The following KMT2B variants were observed in gnomAD, a reference collection of about 807,000 sequenced individuals.
The protein encoded by KMT2B is lysine methyltransferase 2B, also known as histone-lysine N-methyltransferase 2B.
KMT2B carries 22 observed loss-of-function variants against 255.3 expected under a neutral mutation model. The observed-to-expected ratio is 0.09, with a 90% confidence interval of 0.06 to 0.12. The LOEUF (loss-of-function observed/expected upper bound fraction) is 0.12, where lower values mean the gene tolerates loss of function less well. Among genes scored for constraint, KMT2B ranks in the 10% least tolerant of loss-of-function variants. The pLI is 1.00. For missense variants in KMT2B, 3,149 were observed against 3,737.0 expected, an observed-to-expected ratio of 0.84 and a Z score of 4.10; for synonymous variants, 1,730 against 1,498.1, an observed-to-expected ratio of 1.15 and a Z score of -3.57.
chr19:35,736,383 G>A (rs1450464672), intron 30 of KMT2B: 1 of 339,888 alleles, frequency 2.9e-6, no homozygotes, highest in Non-Finnish European at 5.4e-6. Context: ...TAGATGGGAT[G>A]TATGGTACAC....
In KMT2B at chr19:35,728,164, C is replaced by A; in HGVS notation, c.4564C>A (p.Leu1522Met). Residue 1522 changes from leucine (L) to methionine (M), a missense_variant, in exon 19 of 37, where the codon CTG becomes ATG. Leu to Met is a conservative substitution (Grantham distance 15). Coordinates refer to ENST00000420124, the MANE Select transcript of KMT2B (RefSeq NM_014727.3). ...CAAGTACTGGCGACGGAGTACCCGGCTGCCAAAGTGAGCAAGGCTGGGTAG... is the reference window on the plus strand; with the variant it reads ...CAAGTACTGGCGACGGAGTACCCGGATGCCAAAGTGAGCAAGGCTGGGTAG... ...DPKYWRRSTR[L>M]PNGVLPNAVL... The A allele has an allele frequency of 6.3e-7, 1 of 1,591,228 alleles. No homozygotes were observed. The highest frequency in any genetic ancestry group is 8.6e-7 in the Non-Finnish European group (1 of 1,169,530).
rs1969765941 is a variant in KMT2B at position 35,732,874 on chromosome 19, C to G, written c.6325C>G (p.Leu2109Val). Residue 2109 changes from leucine to valine, a missense_variant, in exon 28 of 37, where the codon CTG (leucine) becomes GTG (valine). Leu to Val is a conservative substitution (Grantham distance 32). Around this residue, in one of 18 missense-constraint regions of KMT2B, gnomAD observed 897 missense variants for 825.3 expected, o/e 1.09. Transcript: ENST00000420124. Reference protein sequence around the residue: ...AGDRARPPEDLPSEIVDFVLK... With the variant: ...AGDRARPPEDVPSEIVDFVLK... ...GGACAGGGCCCGGCCTCCTGAGGACCTGCCATCGGAAATTGTGGATTTTGT... is the reference window on the plus strand; with the variant it reads ...GGACAGGGCCCGGCCTCCTGAGGACGTGCCATCGGAAATTGTGGATTTTGT... 1.9e-6 allele frequency: 3 copies of G among 1,610,084 alleles called. No individual in the cohort carries two copies. The highest frequency in any genetic ancestry group is 4.5e-5 in the East Asian group (2 of 44,790).
chr19:35,732,849 G>A lies in KMT2B; in HGVS notation c.6300G>A (p.Gly2100=), dbSNP rs1969764742. 6.2e-7 allele frequency: 1 copy of A among 1,609,248 alleles called. No individual in the cohort carries two copies. Among genetic ancestry groups the A allele is most frequent in the East Asian group, 2.2e-5 (1 of 44,708 alleles). ...VVRAGVLGAA[G]DRARPPEDLP... ...GGGCAGGGGTCCTTGGGGCTGCAGG[G>A]GACAGGGCCCGGCCTCCTGAGGACC... Residue 2100 remains glycine, a synonymous_variant, in exon 28 of 37, where the codon GGG becomes GGA. Transcript: ENST00000420124.
chr19:35,730,383 C>T lies in KMT2B; in HGVS notation c.5118C>T (p.Val1706=). ...NPDGFDVLRR[V]YVDFEGINFK... Reference sequence around the variant, plus strand: ...ATGGTTTTGATGTTCTCCGCCGAGTCTATGTGGACTTCGAGGGCATCAACT... The same window carrying T: ...ATGGTTTTGATGTTCTCCGCCGAGTTTATGTGGACTTCGAGGGCATCAACT... Residue 1706 remains valine, a synonymous_variant, in exon 24 of 37, where the codon GTC becomes GTT. Coordinates refer to ENST00000420124, the MANE Select transcript of KMT2B (RefSeq NM_014727.3). 2 of 1,613,734 alleles carry T rather than the reference C, an allele frequency of 1.2e-6. No homozygotes were observed. The highest frequency in any genetic ancestry group is 1.7e-6 in the Non-Finnish European group (2 of 1,179,650).
rs754150697 is a variant in KMT2B, at chr19:35,733,666, C to T, written c.7029C>T (p.Pro2343=). 1.6e-5 allele frequency: 25 copies of T among 1,600,832 alleles called. No homozygotes were observed. Among genetic ancestry groups the T allele is most frequent in the East Asian group, 6.8e-5 (3 of 44,268 alleles). Residue 2343 remains proline, a synonymous_variant, in exon 29 of 37, where the codon CCC becomes CCT. Coordinates refer to ENST00000420124, the MANE Select transcript of KMT2B (RefSeq NM_014727.3). The surrounding 1 kb of genome is among the most constrained non-coding windows in gnomAD (Gnocchi z 4.3). ...GVLDLDRPGE[P]AGEESPGPLQ... ...TTGACCTGGATCGGCCTGGGGAGCC[C>T]GCTGGGGAAGAAAGTCCTGGGTGAG...
Position 35,727,798 on chromosome 19 carries a change from C to T in KMT2B, c.4392+11C>T, listed in dbSNP as rs767155220. 3.1e-6 allele frequency: 5 copies of T among 1,613,648 alleles called. No homozygotes were observed. The Admixed American group carries it at 5.0e-5, about 16-fold the overall frequency. ...CACTACAAGTCTGTGGTGAGTGGTA[C>T]ACCAGGAGGAGCAGGTGGGTGGCAG... On this transcript the variant is annotated intron_variant, in intron 17 of 36. Transcript: ENST00000420124. This position sits in a 1 kb window ranked among gnomAD's most constrained non-coding sequence, Gnocchi z 4.2.
At position 35,732,660 on chromosome 19, in the gene KMT2B, C is replaced by T. The variant is rs751449665; in HGVS notation, c.6111C>T (p.Phe2037=). The change falls in exon 28 of 37, where the codon TTC becomes TTT. Residue 2037 remains phenylalanine, a synonymous_variant. Transcript: ENST00000420124. ...GCCCCACCTCCCGCTACATCCACTT[C>T]CCTGTGACTGTGGTGTCCGCCCCTG... is the stretch of plus-strand genomic sequence containing the variant. The part of the protein sequence containing the change: ...ESSPTSRYIH[F]PVTVVSAPGL... 44 of 1,610,418 alleles carry T rather than the reference C, an allele frequency of 2.7e-5. No individual in the cohort carries two copies. The highest frequency in any genetic ancestry group is 3.7e-5 in the Non-Finnish European group (44 of 1,178,552).
Position 35,720,757 on chromosome 19 carries a change from C to T in KMT2B, c.1410C>T (p.Gly470=), listed in dbSNP as rs1486067884. Reference sequence around the variant, plus strand: ...CAGCTACGTGCTCCAGGAAGAGGGGCCGGCCTCCCCTGACTCCCAGCCAGC... The same window carrying T: ...CAGCTACGTGCTCCAGGAAGAGGGGTCGGCCTCCCCTGACTCCCAGCCAGC... ...VVPATCSRKR[G]RPPLTPSQRA... The change falls in exon 3 of 37, where the codon GGC becomes GGT. Residue 470 remains glycine (G), a synonymous_variant. Transcript: ENST00000420124. 20 of 1,473,992 alleles carry T rather than the reference C, an allele frequency of 1.4e-5. No homozygotes were observed. Among genetic ancestry groups the T allele is most frequent in the Non-Finnish European group, 1.6e-5 (18 of 1,111,040 alleles). 91.3% of individuals were successfully genotyped at this position (1,473,992 alleles called of 1,614,324 possible).
At chr19:35,726,636 C>T (rs985985282) in intron 14 of KMT2B, among the ~76,000 whole-genome samples, 3 of 152,106 alleles carry the variant, frequency 2.0e-5, no homozygotes, top group Non-Finnish European at 4.4e-5. Flanking sequence ...GTTTGGAAGC[C>T]TTATTCAGGC....
rs567944243 is a variant in KMT2B at position 35,719,517 on chromosome 19, C to T, written c.412C>T (p.Arg138Cys). 30 of 1,591,746 alleles carry T rather than the reference C, an allele frequency of 1.9e-5. No homozygotes were observed. The highest frequency in any genetic ancestry group is 4.6e-5 in the East Asian group (2 of 43,594). The change falls in exon 2 of 37, where the codon CGC (arginine) becomes TGC (cysteine). Residue 138 changes from arginine (R) to cysteine (C), a missense_variant. Physicochemically the swap from Arg to Cys is radical, Grantham distance 180 (BLOSUM62 -3). Transcript: ENST00000420124. Reference protein sequence around the residue: ...SDEDVAPSSLRSALRSQRGRA... With the variant: ...SDEDVAPSSLCSALRSQRGRA... ...TGAAGATGTGGCCCCCAGTTCCCTG[C>T]GCTCTGCGCTCCGATCCCAGCGAGG...
chr19:35,719,253 C>T (rs1260696324), intron 1 of KMT2B, among the ~76,000 whole-genome samples: 1 of 152,106 alleles, frequency 6.6e-6, no homozygotes, highest in African/African-American at 2.4e-5. Flanking sequence ...TGGTGTGGTC[C>T]GGCACTGGGG....
chr19:35,731,518 T>G (rs759711227), intron 26 of KMT2B, among the ~76,000 whole-genome samples: 48 of 152,060 alleles, frequency 3.2e-4, no homozygotes, highest in African/African-American at 1.2e-3. Flanking sequence ...TTTGCAGAGG[T>G]TGGGTGGAGC....
In KMT2B at chr19:35,732,753, T is replaced by C; in HGVS notation, c.6204T>C (p.Thr2068=). 7 of 1,610,422 alleles carry C rather than the reference T, an allele frequency of 4.3e-6. No homozygotes were observed. Among genetic ancestry groups the C allele is most frequent in the East Asian group, 4.5e-5 (2 of 44,754 alleles). The change falls in exon 28 of 37, where the codon ACT becomes ACC. Residue 2068 remains threonine (T), a synonymous_variant. Transcript: ENST00000420124. ...IEQLDGVDDG[T]DSEAEAVQQP... Reference sequence around the variant, plus strand: ...AGCTGGACGGCGTGGACGACGGCACTGACAGTGAGGCTGAGGCGGTGCAGC... The same window carrying C: ...AGCTGGACGGCGTGGACGACGGCACCGACAGTGAGGCTGAGGCGGTGCAGC...
At chr19:35,735,888 T>A (rs1239831547) in intron 30 of KMT2B, 2 of 152,276 alleles carry the variant, frequency 1.3e-5, no homozygotes, top group African/African-American at 4.8e-5. Flanking sequence ...GTCTGCCCTG[T>A]TTAATCTATT....
Position 35,733,179 on chromosome 19 carries a change from T to C in KMT2B, c.6630T>C (p.Pro2210=), listed in dbSNP as rs771036429. ...VFVKMAGEGE[P]VPPPVKQPPL... ...TGAAGATGGCTGGGGAGGGTGAACC[T>C]GTCCCACCCCCAGTGAAGCAGCCAC... The change falls in exon 28 of 37, where the codon CCT becomes CCC. Residue 2210 remains proline, a synonymous_variant. Coordinates refer to ENST00000420124, the MANE Select transcript of KMT2B (RefSeq NM_014727.3). This position sits in a 1 kb window ranked among gnomAD's most constrained non-coding sequence, Gnocchi z 4.3. 1.5e-5 allele frequency: 23 copies of C among 1,555,954 alleles called. No homozygotes were observed. The African/African-American group carries it at 2.0e-4, about 14-fold the overall frequency.
Position 35,730,353 on chromosome 19 carries a change from C to G in KMT2B, c.5088C>G (p.Asn1696Lys). The G allele has an allele frequency of 1.2e-6, 2 of 1,612,242 alleles. No individual in the cohort carries two copies. Among genetic ancestry groups the G allele is most frequent in the Non-Finnish European group, 1.7e-6 (2 of 1,178,398 alleles). The part of the protein sequence containing the change: ...TDLLDGKEIV[N>K]PDGFDVLRRV... ...ACCCCCTCTTCCAGGAAATTGTGAA[C>G]CCCGATGGTTTTGATGTTCTCCGCC... is the stretch of plus-strand genomic sequence containing the variant. The change falls in exon 24 of 37, where the codon AAC becomes AAG. Residue 1696 changes from asparagine to lysine, a missense_variant. Around this residue, in one of 18 missense-constraint regions of KMT2B, gnomAD observed 58 missense variants for 96.9 expected, o/e 0.60. Transcript: ENST00000420124.
chr19:35,720,381 G>C lies in KMT2B; in HGVS notation c.1034G>C (p.Gly345Ala), dbSNP rs768589633. The change falls in exon 3 of 37, where the codon GGA (glycine) becomes GCA (alanine). Residue 345 changes from glycine to alanine, a missense_variant. Coordinates refer to ENST00000420124, the MANE Select transcript of KMT2B (RefSeq NM_014727.3). The stretch of plus-strand genomic sequence containing the variant: ...CAGGATGTCCCCCAAAGAAGAGTTG[G>C]ATCTGGACAGGGAGGGAGCCCTTGC... ...SWQDVPQRRV[G>A]SGQGGSPCWK... 1 of 1,590,508 alleles carries C rather than the reference G, an allele frequency of 6.3e-7. No individual in the cohort carries two copies. The highest frequency in any genetic ancestry group is 1.3e-5 in the African/African-American group (1 of 74,460).
chr19:35,728,946 G>A (rs761968356), intron 20 of KMT2B, 39 bp from the exon 21 acceptor site: 4 of 1,612,922 alleles, frequency 2.5e-6, no homozygotes, highest in Non-Finnish European at 3.4e-6. Context: ...CTGGCTCCGG[G>A]TCCTGATTCT....
At position 35,723,137 on chromosome 19, in the gene KMT2B, C is replaced by T; in HGVS notation, c.2865C>T (p.Ser955=). The stretch of plus-strand genomic sequence containing the variant: ...ACACACCCCGGCGCTCACTGCCCTC[C>T]CATCACGGCAAGAAGATGCGCATGG... The part of the protein sequence containing the change: ...LAHTPRRSLP[S]HHGKKMRMAR... Residue 955 remains serine (S), a synonymous_variant, in exon 6 of 37, where the codon TCC becomes TCT. Coordinates refer to ENST00000420124, the MANE Select transcript of KMT2B (RefSeq NM_014727.3). This position sits in a 1 kb window ranked among gnomAD's most constrained non-coding sequence, Gnocchi z 7.5. The T allele has an allele frequency of 1.9e-6, 3 of 1,613,542 alleles. No homozygotes were observed. Among genetic ancestry groups the T allele is most frequent in the African/African-American group, 2.7e-5 (2 of 75,054 alleles).
Sources: gnomAD v4.1 joint callset for allele counts (sites outside exome capture counted in the v4.1 genomes callset) on GRCh38, gnomAD v4.1.1 for gene constraint, gnomAD v4.1.1 regional missense constraint, Gnocchi (gnomAD v3.1) non-coding constraint, MANE v1.5 for transcripts, NCBI Gene and HGNC (gene_info 2026-07-23, HGNC 2026-07-21) for gene names.